COG5: variants seen among roughly 807,000 people sequenced by gnomAD.
COG5 encodes the protein conserved oligomeric Golgi complex subunit 5.
In COG5, 86 loss-of-function variants were observed where a neutral mutation model predicts 110.4. That is an observed-to-expected ratio of 0.78 (90% confidence interval 0.65 to 0.93). COG5 has a LOEUF of 0.93. Ranked by LOEUF, COG5 falls within the 40% of genes least tolerant of loss-of-function variation. The pLI is 0.00. For synonymous variants in COG5, 360 were observed against 334.6 expected (o/e 1.08, Z -0.83); for missense variants, 1,077 against 987.0 (o/e 1.09, Z -1.22).
chr7:107,241,393 C>CATAT lies in COG5; in HGVS notation c.1854-4710_1854-4707dup, dbSNP rs150123583. 6.5e-4 allele frequency among the ~76,000 whole-genome samples: 95 copies of CATAT among 145,746 alleles called. 1 individual carries two copies. Among genetic ancestry groups the CATAT allele is most frequent in the African/African-American group, 1.9e-3 (76 of 39,988 alleles). On this transcript the variant is annotated intron_variant, in intron 17 of 21. Coordinates refer to ENST00000297135, the MANE Select transcript of COG5 (RefSeq NM_006348.5). ...GAATTCACTTTACCCTTCTGTGCTTCATATATATATATATATCTATATCCA... is the reference window on the plus strand; with the variant it reads ...GAATTCACTTTACCCTTCTGTGCTTCATATATATATATATATATATCTATATCCA...
intron 10 of COG5, among the ~76,000 whole-genome samples, chr7:107,358,438 T>C (rs559318448): frequency 4.5e-4 from 68 of 152,292 alleles, no homozygotes; most frequent in African/African-American, 1.5e-3. Context: ...AAGCATCTCA[T>C]TGTTTCTTTC....
At chr7:107,495,812 G>A (rs964207367) in intron 6 of COG5, among the ~76,000 whole-genome samples, 5 of 151,636 alleles carry the variant, frequency 3.3e-5, no homozygotes, top group Non-Finnish European at 7.4e-5. Context: ...TAAAATAGAA[G>A]ACACAAAAGT....
chr7:107,401,152 C>T (rs1264611385), intron 7 of COG5, among the ~76,000 whole-genome samples: 4 of 151,864 alleles, frequency 2.6e-5, no homozygotes, highest in Non-Finnish European at 5.9e-5. Context: ...AAAAAACAGG[C>T]CACGGGCTGT....
At chr7:107,467,024 T>C (rs948740934) in intron 6 of COG5, among the ~76,000 whole-genome samples, 2 of 152,160 alleles carry the variant, frequency 1.3e-5, no homozygotes, top group African/African-American at 4.8e-5. Flanking sequence ...AATGTAAATA[T>C]ACAATAAATT....
chr7:107,401,085 T>A (rs1379453811), intron 7 of COG5, among the ~76,000 whole-genome samples: 6 of 152,196 alleles, frequency 3.9e-5, no homozygotes, highest in Admixed American at 3.9e-4. Context: ...TGTTTGTTTT[T>A]GCTTTTTTCC....
At chr7:107,260,431 G>A (rs1350699030) in intron 14 of COG5, among the ~76,000 whole-genome samples, 1 of 152,156 alleles carries the variant, frequency 6.6e-6, no homozygotes, top group Non-Finnish European at 1.5e-5. Context: ...TATATGAGGA[G>A]TGAGTGCTAA....
At chr7:107,241,519 C>G (rs964101712) in intron 17 of COG5, among the ~76,000 whole-genome samples, 2 of 151,212 alleles carry the variant, frequency 1.3e-5, no homozygotes, top group Non-Finnish European at 2.9e-5. Flanking sequence ...GTGGCGCGAT[C>G]TGGGCTCACT....
chr7:107,371,576 A>C (rs1310620702), intron 8 of COG5, among the ~76,000 whole-genome samples: 2 of 152,224 alleles, frequency 1.3e-5, no homozygotes, highest in Non-Finnish European at 2.9e-5. Context: ...CTTCAACAGA[A>C]AAATGGGAGG....
Position 107,204,025 on chromosome 7 carries a change from C to G in COG5, c.2376-395G>C, listed in dbSNP as rs577623442. On this transcript the variant is annotated intron_variant, in intron 21 of 21. Coordinates refer to ENST00000297135, the MANE Select transcript of COG5 (RefSeq NM_006348.5). Reference sequence around the variant, plus strand: ...ATCCTGCGCCTCTGAAAGGCACGCTCAAGAGTACAAGGGGATGGGGCCCTT... The same window carrying G: ...ATCCTGCGCCTCTGAAAGGCACGCTGAAGAGTACAAGGGGATGGGGCCCTT... Among the ~76,000 whole-genome samples, 373 of 152,260 alleles carry G rather than the reference C, an allele frequency of 2.4e-3. 1 individual carries two copies. The highest frequency in any genetic ancestry group is 1.6e-3 in the Non-Finnish European group (111 of 68,016).
In COG5 at chr7:107,534,429, G is replaced by A. The variant is rs545520726; in HGVS notation, c.418-7072C>T. On this transcript the variant is annotated intron_variant, in intron 5 of 21. Transcript: ENST00000297135. ...TGAATTCAGGAGATCCATCTCATGT[G>A]TAAAGACACATATAGGCTGAAAATA... 2.0e-5 allele frequency among the ~76,000 whole-genome samples: 3 copies of A among 151,088 alleles called. No homozygotes were observed. The East Asian group carries it at 5.8e-4, about 29-fold the overall frequency.
chr7:107,336,764 A>C (rs1215095837), intron 10 of COG5, among the ~76,000 whole-genome samples: 6 of 152,208 alleles, frequency 3.9e-5, no homozygotes, highest in African/African-American at 1.4e-4. Context: ...AAAATGATGT[A>C]CAGCAGGTTC....
chr7:107,505,701 G>C (rs1478226469), intron 6 of COG5, among the ~76,000 whole-genome samples: 1 of 152,220 alleles, frequency 6.6e-6, no homozygotes, highest in Non-Finnish European at 1.5e-5. Flanking sequence ...TCTCCTGAAA[G>C]AAACTTCCCA....
intron 14 of COG5, among the ~76,000 whole-genome samples, chr7:107,261,337 TCA>T (rs1330704297): frequency 1.3e-5 from 2 of 151,760 alleles, no homozygotes; most frequent in Admixed American, 6.6e-5. Context: ...TCTCTCTCTC[TCA>T]GATACAGGAA....
intron 6 of COG5, chr7:107,471,489 G>A (rs1796630161): frequency 6.6e-6 from 1 of 151,932 alleles, no homozygotes; most frequent in South Asian, 2.1e-4. Flanking sequence ...ACGACTTTAA[G>A]ACATTAAGGA....
intron 9 of COG5, 99 bp from the exon 10 acceptor site, chr7:107,362,209 G>T: frequency 7.5e-7 from 1 of 1,324,666 alleles, no homozygotes; most frequent in Non-Finnish European, 1.1e-6. Flanking sequence ...GAGGTATTTT[G>T]AATGCTCATT....
intron 19 of COG5, among the ~76,000 whole-genome samples, chr7:107,229,277 C>A (rs1800593845): frequency 6.6e-6 from 1 of 151,976 alleles, no homozygotes; most frequent in East Asian, 1.9e-4. Flanking sequence ...GGTGAAACAC[C>A]GTCTATACTA....
chr7:107,293,861 C>G (rs946725233), intron 12 of COG5, among the ~76,000 whole-genome samples: 1 of 152,116 alleles, frequency 6.6e-6, no homozygotes, highest in African/African-American at 2.4e-5. Context: ...CACCTGAGGT[C>G]AGGAGTTCGA....
At chr7:107,267,086 A>T (rs1383575976) in intron 14 of COG5, among the ~76,000 whole-genome samples, 1 of 152,188 alleles carries the variant, frequency 6.6e-6, no homozygotes, top group African/African-American at 2.4e-5. Flanking sequence ...AAGAAACAAA[A>T]TCATGTCTTG....
chr7:107,207,005 G>A (rs1181544784), intron 21 of COG5, among the ~76,000 whole-genome samples: 1 of 152,150 alleles, frequency 6.6e-6, no homozygotes. Flanking sequence ...AACACGATTA[G>A]TAGAGGAATG....
Sources: allele counts gnomAD v4.1 joint callset (sites outside exome capture counted in the v4.1 genomes callset), GRCh38; gene constraint gnomAD v4.1.1; transcripts MANE v1.5; gene names NCBI Gene and HGNC (gene_info 2026-07-23, HGNC 2026-07-21).